Variants in SCN11A observed in about 807,000 individuals in gnomAD.
SCN11A encodes the protein sodium channel protein type 11 subunit alpha.
A neutral mutation model predicts 162.2 loss-of-function variants in SCN11A; 122 were observed. The observed-to-expected ratio is 0.75, with a 90% CI of 0.65 to 0.87. SCN11A has a LOEUF of 0.87. SCN11A is among the 40% of genes least tolerant of loss of function. The pLI, the probability that SCN11A is intolerant of heterozygous loss-of-function variation, is 0.00. For synonymous variants in SCN11A, 758 were observed against 751.5 expected (o/e 1.01, Z -0.14); for missense variants, 2,015 against 2,181.6 (o/e 0.92, Z 1.52).
intron 1 of SCN11A, among the ~76,000 whole-genome samples, chr3:39,047,919 T>C (rs1037806931): frequency 2.0e-5 from 3 of 152,202 alleles, no homozygotes; most frequent in Non-Finnish European, 4.4e-5. Context: ...TCATACACTG[T>C]TGATAGGAAT....
At chr3:39,030,870 GT>G (rs1257030749) in intron 2 of SCN11A, among the ~76,000 whole-genome samples, 3 of 152,114 alleles carry the variant, frequency 2.0e-5, no homozygotes, top group Non-Finnish European at 4.4e-5. Context: ...GAGAAAATAG[GT>G]TTCCTGAAAA....
intron 23 of SCN11A, among the ~76,000 whole-genome samples, chr3:38,877,118 ATATATGGTG>A (rs1415845984): frequency 2.5e-5 from 3 of 119,496 alleles, no homozygotes; most frequent in African/African-American, 1.0e-4. Context: ...TATATACTAT[ATATATGGTG>A]TATATACTAT....
At chr3:38,963,727 G>A (rs1211447050) in intron 2 of SCN11A, among the ~76,000 whole-genome samples, 1 of 151,902 alleles carries the variant, frequency 6.6e-6, no homozygotes, top group Non-Finnish European at 1.5e-5. Context: ...TCGGGGGGAA[G>A]AGTGGGAGAG....
chr3:38,920,382 A>AGAGGGTGGGCACTGAG (rs1365129291), intron 10 of SCN11A, among the ~76,000 whole-genome samples: 8 of 152,102 alleles, frequency 5.3e-5, no homozygotes, highest in Admixed American at 1.3e-4. Flanking sequence ...CTCAGCATGG[A>AGAGGGTGGGCACTGAG]GAGGGTGGGC....
At chr3:38,951,721 A>G (rs1559553500) in intron 4 of SCN11A, among the ~76,000 whole-genome samples, 1 of 152,110 alleles carries the variant, frequency 6.6e-6, no homozygotes, top group African/African-American at 2.4e-5. Flanking sequence ...ACCAATCGAC[A>G]CTCTGTATCT....
At position 38,871,596 on chromosome 3, in the gene SCN11A, T is replaced by C; in HGVS notation, c.3608A>G (p.Lys1203Arg). ...CILGVYFFSG[K>R]FGKCINGTDS... ...TGTTCCATTAATGCATTTCCCAAAT[T>C]TTCCAGAAAAGAAGTATACTCCCAG... The change falls in exon 25 of 30, where the codon AAA becomes AGA. Residue 1203 changes from lysine (K) to arginine (R), a missense_variant. Physicochemically the swap from Lys to Arg is conservative, Grantham distance 26 (BLOSUM62 2). Transcript: ENST00000302328. 6.2e-7 allele frequency: 1 copy of C among 1,613,154 alleles called. No homozygotes were observed. Among genetic ancestry groups the C allele is most frequent in the African/African-American group, 1.3e-5 (1 of 74,990 alleles).
intron 2 of SCN11A, among the ~76,000 whole-genome samples, chr3:38,990,871 T>C (rs536909616): frequency 9.9e-5 from 15 of 152,104 alleles, no homozygotes; most frequent in Admixed American, 7.2e-4. Context: ...CACCACACTG[T>C]GTGTCTTTCA....
chr3:38,904,776 T>C (rs1487416180), intron 15 of SCN11A, among the ~76,000 whole-genome samples: 1 of 152,228 alleles, frequency 6.6e-6, no homozygotes. Context: ...ATAGGTCTTC[T>C]ATTGCCCATG....
chr3:38,908,815 C>T (rs1281014055), intron 13 of SCN11A, among the ~76,000 whole-genome samples, 182 bp downstream of exon 13: 1 of 152,126 alleles, frequency 6.6e-6, no homozygotes, highest in Non-Finnish European at 1.5e-5. Flanking sequence ...GGTGCCTGGA[C>T]AATTTTGTGA....
chr3:39,045,014 T>C (rs1178025387), intron 1 of SCN11A, among the ~76,000 whole-genome samples: 1 of 152,088 alleles, frequency 6.6e-6, no homozygotes, highest in African/African-American at 2.4e-5. Context: ...TAGAGACTAT[T>C]ATGAACAACT....
Position 38,879,972 on chromosome 3 carries a change from C to T in SCN11A, c.3371G>A (p.Cys1124Tyr). The T allele has an allele frequency of 1.2e-6, 2 of 1,612,684 alleles. No individual in the cohort carries two copies. Among genetic ancestry groups the T allele is most frequent in the Non-Finnish European group, 1.7e-6 (2 of 1,179,238 alleles). The change falls in exon 23 of 30, where the codon TGC becomes TAC. Residue 1124 changes from cysteine to tyrosine, a missense_variant. Cys to Tyr is a radical substitution (Grantham distance 194). Transcript: ENST00000302328. Reference sequence around the variant, plus strand: ...TACAATCACAATGATGAAATCAAGGCAGCACCAGGCACTGGTGAAATACTT... The same window carrying T: ...TACAATCACAATGATGAAATCAAGGTAGCACCAGGCACTGGTGAAATACTT... ...FGKYFTSAWC[C>Y]LDFIIVIVSV...
intron 4 of SCN11A, among the ~76,000 whole-genome samples, chr3:38,953,029 G>A (rs1212115956): frequency 6.6e-6 from 1 of 151,792 alleles, no homozygotes; most frequent in Admixed American, 6.6e-5. Context: ...TACTGCAGAG[G>A]CGAAACACTA....
intron 8 of SCN11A, among the ~76,000 whole-genome samples, chr3:38,926,112 G>A (rs781761171): frequency 6.6e-6 from 1 of 152,176 alleles, no homozygotes; most frequent in East Asian, 1.9e-4. Context: ...TTGTTGTGCT[G>A]GCAATGTGTC....
chr3:39,037,851 A>G (rs909734976), intron 1 of SCN11A, among the ~76,000 whole-genome samples: 6 of 152,216 alleles, frequency 3.9e-5, no homozygotes, highest in Admixed American at 6.5e-5. Flanking sequence ...CTTTCATATT[A>G]TCTAGGAGTT....
intron 1 of SCN11A, among the ~76,000 whole-genome samples, chr3:39,034,129 T>C (rs1367138336): frequency 6.6e-6 from 1 of 152,072 alleles, no homozygotes; most frequent in African/African-American, 2.4e-5. Flanking sequence ...ACCACTGCAT[T>C]CCAGCCTGGA....
At chr3:38,965,054 C>T (rs143493955) in intron 2 of SCN11A, among the ~76,000 whole-genome samples, 12 of 152,244 alleles carry the variant, frequency 7.9e-5, no homozygotes, top group African/African-American at 2.9e-4. Context: ...GTAAGCAAAC[C>T]AAAAGAACTG....
In SCN11A at chr3:38,847,145, T is replaced by C. The variant is rs1462559325; in HGVS notation, c.4925A>G (p.Lys1642Arg). The change falls in exon 30 of 30, where the codon AAA (lysine) becomes AGA (arginine). Residue 1642 changes from lysine (K) to arginine (R), a missense_variant. By Grantham distance (26) the Lys-to-Arg change is conservative. Transcript: ENST00000302328. Reference sequence around the variant, plus strand: ...AGCAAAGTCAGAAAGGGCAGAATATTTGATAAATTGTGTTGCTTCTGGGTC... The same window carrying C: ...AGCAAAGTCAGAAAGGGCAGAATATCTGATAAATTGTGTTGCTTCTGGGTC... ...KFDPEATQFIKYSALSDFADA... is the reference protein window; with the variant it reads ...KFDPEATQFIRYSALSDFADA... 1.2e-6 allele frequency: 2 copies of C among 1,614,072 alleles called. No homozygotes were observed. The highest frequency in any genetic ancestry group is 1.7e-6 in the Non-Finnish European group (2 of 1,180,036).
chr3:38,998,953 T>C (rs1479810342), intron 2 of SCN11A, among the ~76,000 whole-genome samples: 3 of 151,616 alleles, frequency 2.0e-5, no homozygotes, highest in Admixed American at 1.3e-4. Context: ...ATATACCTAA[T>C]GTTAAATGAC....
In SCN11A at chr3:39,047,378, G is replaced by A. The variant is rs369501152; in HGVS notation, c.-404+4483C>T. On this transcript the variant is annotated intron_variant, in intron 1 of 29. Coordinates refer to ENST00000302328, the MANE Select transcript of SCN11A (RefSeq NM_001349253.2). ...TCTCACCCTATACAAAAATCAACAC[G>A]AAATGGATTAAAAACCTAAATATAA... is the stretch of plus-strand genomic sequence containing the variant. Among the ~76,000 whole-genome samples the A allele has an allele frequency of 7.2e-4, 110 of 152,028 alleles. 2 individuals are homozygous for A. The highest frequency in any genetic ancestry group is 2.6e-3 in the African/African-American group (109 of 41,478).
Sources: gnomAD v4.1 joint callset for allele counts (sites outside exome capture counted in the v4.1 genomes callset) on GRCh38, gnomAD v4.1.1 for gene constraint, MANE v1.5 for transcripts, NCBI Gene and HGNC (gene_info 2026-07-23, HGNC 2026-07-21) for gene names.